The following RALGAPA1 variants were observed in gnomAD, a reference collection of about 807,000 sequenced individuals.
RALGAPA1 encodes the protein Ral GTPase activating protein catalytic subunit alpha 1, also known as ral GTPase-activating protein subunit alpha-1.
A neutral mutation model predicts 269.6 loss-of-function variants in RALGAPA1; 52 were observed. That is an observed-to-expected ratio of 0.19 (90% CI 0.15 to 0.24). The LOEUF (loss-of-function observed/expected upper bound fraction) is 0.24, where lower values mean the gene tolerates loss of function less well. RALGAPA1 is among the 10% of genes least tolerant of loss of function. RALGAPA1 has a pLI of 1.00. For synonymous variants in RALGAPA1, 817 were observed against 1,008.3 expected (o/e 0.81, Z 3.60); for missense variants, 1,917 against 3,013.9 (o/e 0.64, Z 8.52).
chr14:35,606,736 C>A (rs1447080624), intron 35 of RALGAPA1, among the ~76,000 whole-genome samples: 1 of 148,534 alleles, frequency 6.7e-6, no homozygotes, highest in Non-Finnish European at 1.5e-5. Flanking sequence ...AAAGTTTTCA[C>A]TACTATACCA....
At chr14:35,749,660 C>T (rs1049714304) in intron 9 of RALGAPA1, among the ~76,000 whole-genome samples, 2 of 152,032 alleles carry the variant, frequency 1.3e-5, no homozygotes, top group Admixed American at 6.6e-5. Flanking sequence ...TGAGAATTTT[C>T]GCACTTAATA....
chr14:35,598,951 A>T (rs1777635199), intron 36 of RALGAPA1, among the ~76,000 whole-genome samples: 1 of 151,872 alleles, frequency 6.6e-6, no homozygotes, highest in Non-Finnish European at 1.5e-5. Context: ...ATTTTCTAGA[A>T]CTCTGTTTTT....
chr14:35,633,479 A>C lies in RALGAPA1; in HGVS notation c.5995+1095T>G, dbSNP rs149954726. Among the ~76,000 whole-genome samples, 10 of 152,270 alleles carry C rather than the reference A, an allele frequency of 6.6e-5. No homozygotes were observed. In the East Asian group the frequency reaches 1.9e-3, roughly 29 times the overall value. ...TCTGTACCTTCTGGGTTAACTGGCC[A>C]AATCAATCTAATATACCAGGAGTCA... is the stretch of plus-strand genomic sequence containing the variant. On this transcript the variant is annotated intron_variant, in intron 33 of 41. Coordinates refer to ENST00000680220, the MANE Select transcript of RALGAPA1 (RefSeq NM_001346249.2).
intron 5 of RALGAPA1, among the ~76,000 whole-genome samples, chr14:35,761,440 G>A (rs1218474516): frequency 6.6e-6 from 1 of 152,052 alleles, no homozygotes; most frequent in African/African-American, 2.4e-5. Flanking sequence ...CGAATTCAAT[G>A]TTCTTGCCCC....
chr14:35,748,362 A>C, intron 10 of RALGAPA1: 2 of 328,390 alleles, frequency 6.1e-6, no homozygotes, highest in South Asian at 1.4e-4. Flanking sequence ...ATAATCAGTA[A>C]TTTCTCTCTC....
intron 16 of RALGAPA1, among the ~76,000 whole-genome samples, chr14:35,719,791 G>A (rs539755370): frequency 9.3e-5 from 14 of 151,138 alleles, no homozygotes; most frequent in South Asian, 8.4e-4. Context: ...TCCCTCTGTC[G>A]CTCCCTCTGT....
chr14:35,605,993 A>G (rs2059575468), intron 35 of RALGAPA1, among the ~76,000 whole-genome samples: 1 of 152,228 alleles, frequency 6.6e-6, no homozygotes, highest in African/African-American at 2.4e-5. Context: ...ACAAATGAAG[A>G]GAAAGAGCAT....
At chr14:35,557,047 C>T (rs2055677277) in intron 39 of RALGAPA1, among the ~76,000 whole-genome samples, 1 of 150,426 alleles carries the variant, frequency 6.6e-6, no homozygotes, top group Non-Finnish European at 1.5e-5. Context: ...TTTAATAATC[C>T]AGTAATCATT....
chr14:35,768,385 A>C (rs2074319192), intron 4 of RALGAPA1, among the ~76,000 whole-genome samples: 1 of 152,170 alleles, frequency 6.6e-6, no homozygotes, highest in Non-Finnish European at 1.5e-5. Context: ...CCTGCCACAG[A>C]ATGTTTTATA....
At chr14:35,574,710 G>GA (rs1459652932) in intron 37 of RALGAPA1, among the ~76,000 whole-genome samples, 14 of 152,072 alleles carry the variant, frequency 9.2e-5, no homozygotes, top group Non-Finnish European at 1.8e-4. Context: ...AAAGACTACT[G>GA]AAAAAATCAA....
At chr14:35,669,771 C>A (rs1178976897) in intron 26 of RALGAPA1, among the ~76,000 whole-genome samples, 6 of 152,164 alleles carry the variant, frequency 3.9e-5, no homozygotes, top group African/African-American at 1.4e-4. Flanking sequence ...CAGCAGTAGA[C>A]ATTATGTTGC....
intron 37 of RALGAPA1, among the ~76,000 whole-genome samples, chr14:35,589,607 C>T (rs1470143331): frequency 6.6e-6 from 1 of 151,904 alleles, no homozygotes. Context: ...TGTAGGACAG[C>T]AGAATAGTAA....
chr14:35,760,700 TA>T, intron 6 of RALGAPA1, 128 bp downstream of exon 6: 1 of 608,940 alleles, frequency 1.6e-6, no homozygotes, highest in Non-Finnish European at 2.8e-6. Flanking sequence ...TGAATAATAA[TA>T]AAAGCTATGT....
intron 35 of RALGAPA1, among the ~76,000 whole-genome samples, chr14:35,621,430 T>C (rs1038272153): frequency 6.6e-6 from 1 of 152,092 alleles, no homozygotes; most frequent in Non-Finnish European, 1.5e-5. Context: ...ACCTAGGAAA[T>C]ACCATTCAGG....
rs543947211 is a variant in RALGAPA1 at position 35,646,522 on chromosome 14, G to C, written c.5676+5283C>G. 8.5e-4 allele frequency among the ~76,000 whole-genome samples: 129 copies of C among 152,170 alleles called. 2 individuals are homozygous for C. In the South Asian group the frequency reaches 0.01, roughly 12 times the overall value. On this transcript the variant is annotated intron_variant, in intron 31 of 41. Transcript: ENST00000680220. ...GATGAAACACAAAGCCAAAACGCAG[G>C]ACATTTTATACAGTAACTAGACTGT...
intron 24 of RALGAPA1, among the ~76,000 whole-genome samples, chr14:35,673,528 C>T (rs2064678084): frequency 2.0e-5 from 3 of 152,100 alleles, no homozygotes; most frequent in Admixed American, 2.0e-4. Context: ...CACTGCACTC[C>T]AAGTCTGGGT....
chr14:35,690,893 A>C (rs972348417), intron 17 of RALGAPA1, among the ~76,000 whole-genome samples: 13 of 151,982 alleles, frequency 8.6e-5, no homozygotes. Context: ...AACATGGAGA[A>C]ACCCCATCTC....
chr14:35,575,676 C>A (rs2057508438), intron 37 of RALGAPA1, among the ~76,000 whole-genome samples: 1 of 152,170 alleles, frequency 6.6e-6, no homozygotes, highest in Admixed American at 6.5e-5. Flanking sequence ...CTCACTGCAA[C>A]CTCCGCCTCC....
intron 18 of RALGAPA1, among the ~76,000 whole-genome samples, chr14:35,687,486 C>T (rs1445361104): frequency 6.6e-6 from 1 of 152,136 alleles, no homozygotes; most frequent in Non-Finnish European, 1.5e-5. Flanking sequence ...TATTACTGGC[C>T]AGGCTTTGCT....
Sources: allele counts gnomAD v4.1 joint callset (sites outside exome capture counted in the v4.1 genomes callset), GRCh38; gene constraint gnomAD v4.1.1; transcripts MANE v1.5; gene names NCBI Gene and HGNC (gene_info 2026-07-23, HGNC 2026-07-21).